The following GRIA4 variants were observed in gnomAD, a reference collection of about 807,000 sequenced individuals.
GRIA4 encodes the protein glutamate receptor 4.
GRIA4 carries 34 observed loss-of-function variants against 104.0 expected under a neutral mutation model. The ratio of observed to expected loss-of-function variants is 0.33; its 90% CI spans 0.25 to 0.44. The LOEUF is 0.44. Ranked by LOEUF, GRIA4 falls within the 20% of genes least tolerant of loss-of-function variation. GRIA4 has a pLI of 1.00. For missense variants in GRIA4, 750 were observed against 1,096.5 expected (o/e 0.68, Z 4.46); for synonymous variants, 386 against 381.9 (o/e 1.01, Z -0.13).
At chr11:105,721,251 A>T (rs1937793977) in intron 3 of GRIA4, among the ~76,000 whole-genome samples, 1 of 152,156 alleles carries the variant, frequency 6.6e-6, no homozygotes, top group African/African-American at 2.4e-5. Context: ...GATTTTGAAG[A>T]GGGATAATAT....
chr11:105,718,734 G>C (rs969869786), intron 3 of GRIA4, among the ~76,000 whole-genome samples: 3 of 152,156 alleles, frequency 2.0e-5, no homozygotes, highest in Admixed American at 1.3e-4. Context: ...AAAGTTTACT[G>C]TTAATGTGGA....
intron 3 of GRIA4, among the ~76,000 whole-genome samples, chr11:105,677,866 A>G (rs1431074345): frequency 1.3e-5 from 2 of 152,014 alleles, no homozygotes; most frequent in African/African-American, 2.4e-5. Context: ...ATATTTTCAA[A>G]TGATCAGGTC....
At chr11:105,622,886 T>C (rs1444706087) in intron 3 of GRIA4, among the ~76,000 whole-genome samples, 2 of 151,704 alleles carry the variant, frequency 1.3e-5, no homozygotes, top group Non-Finnish European at 2.9e-5. Context: ...CCAAACTCAG[T>C]TGTCCATGAG....
intron 3 of GRIA4, among the ~76,000 whole-genome samples, chr11:105,622,502 T>C (rs1950773438): frequency 6.6e-6 from 1 of 151,820 alleles, no homozygotes; most frequent in African/African-American, 2.4e-5. Context: ...CTATTTGTCG[T>C]TCTTCACTTA....
chr11:105,844,160 A>G (rs1944493264), intron 4 of GRIA4, among the ~76,000 whole-genome samples: 1 of 152,210 alleles, frequency 6.6e-6, no homozygotes, highest in African/African-American at 2.4e-5. Context: ...ATAATAAGCA[A>G]TCAAAGTTAA....
intron 3 of GRIA4, among the ~76,000 whole-genome samples, chr11:105,713,577 A>G (rs1368313476): frequency 6.6e-6 from 1 of 152,088 alleles, no homozygotes; most frequent in African/African-American, 2.4e-5. Flanking sequence ...ATACATTCCA[A>G]TTTTACCTGA....
At chr11:105,799,297 T>A (rs929562457) in intron 4 of GRIA4, among the ~76,000 whole-genome samples, 3 of 151,790 alleles carry the variant, frequency 2.0e-5, no homozygotes, top group African/African-American at 7.3e-5. Flanking sequence ...TTGAATAGAG[T>A]AAAAACCTAA....
At chr11:105,706,396 G>T (rs1370091741) in intron 3 of GRIA4, 1 of 153,034 alleles carries the variant, frequency 6.5e-6, no homozygotes. Context: ...ATAAAATTTG[G>T]TGCAGTTCCC....
chr11:105,792,966 G>A (rs927520344), intron 4 of GRIA4, among the ~76,000 whole-genome samples: 2 of 152,056 alleles, frequency 1.3e-5, no homozygotes, highest in African/African-American at 4.8e-5. Flanking sequence ...GAATTATTGA[G>A]ATGTTCAACA....
intron 14 of GRIA4, among the ~76,000 whole-genome samples, chr11:105,941,320 A>T (rs1371646271): frequency 6.6e-6 from 1 of 152,196 alleles, no homozygotes; most frequent in Non-Finnish European, 1.5e-5. Context: ...ACAGATGTCT[A>T]CAGAATGAAA....
chr11:105,675,145 C>G (rs1952495757), intron 3 of GRIA4, among the ~76,000 whole-genome samples: 1 of 151,848 alleles, frequency 6.6e-6, no homozygotes, highest in Admixed American at 6.6e-5. Flanking sequence ...ATGCTTTGAG[C>G]TGATTTCTAC....
At chr11:105,744,010 T>C (rs1200235441) in intron 3 of GRIA4, among the ~76,000 whole-genome samples, 1 of 152,184 alleles carries the variant, frequency 6.6e-6, no homozygotes, top group Admixed American at 6.5e-5. Context: ...GGTTTGTATG[T>C]CTTTAATTAC....
intron 4 of GRIA4, among the ~76,000 whole-genome samples, chr11:105,838,262 T>C (rs1944266599): frequency 6.6e-6 from 1 of 152,306 alleles, no homozygotes; most frequent in East Asian, 1.9e-4. Context: ...GTAACATCAG[T>C]CTTTTTCTAC....
intron 3 of GRIA4, among the ~76,000 whole-genome samples, chr11:105,700,167 C>T (rs994111229): frequency 1.3e-5 from 2 of 152,202 alleles, no homozygotes; most frequent in African/African-American, 2.4e-5. Flanking sequence ...CCCTCTGGGA[C>T]GGTGACAAAA....
chr11:105,841,350 C>T (rs1466540651), intron 4 of GRIA4, among the ~76,000 whole-genome samples: 2 of 152,042 alleles, frequency 1.3e-5, no homozygotes, highest in East Asian at 3.9e-4. Context: ...AAAATTAAGA[C>T]ACAAGCGCTG....
chr11:105,941,788 G>A (rs1433224303), intron 14 of GRIA4, among the ~76,000 whole-genome samples: 1 of 152,044 alleles, frequency 6.6e-6, no homozygotes, highest in Non-Finnish European at 1.5e-5. Flanking sequence ...CTACACAGAG[G>A]CCTATATAAA....
rs568884587 is a variant in GRIA4 at position 105,871,163 on chromosome 11, GATA to G, written c.672+8958_672+8960del. On this transcript the variant is annotated intron_variant, in intron 5 of 16. Transcript: ENST00000282499. The stretch of plus-strand genomic sequence containing the variant: ...GAACAAATATATAATGCCATATAGT[GATA>G]ATGAGAAATTATTAATGTATTAAAT... Among the ~76,000 whole-genome samples, 9 of 152,156 alleles carry G rather than the reference GATA, an allele frequency of 5.9e-5. No homozygotes were observed. The South Asian group carries it at 1.2e-3, about 21-fold the overall frequency.
At chr11:105,858,264 T>A (rs1046865220) in intron 4 of GRIA4, among the ~76,000 whole-genome samples, 3 of 152,188 alleles carry the variant, frequency 2.0e-5, no homozygotes, top group Non-Finnish European at 4.4e-5. Flanking sequence ...TAATGGATAG[T>A]TTACCTATCG....
At chr11:105,685,018 T>C (rs906944921) in intron 3 of GRIA4, among the ~76,000 whole-genome samples, 2 of 152,164 alleles carry the variant, frequency 1.3e-5, no homozygotes, top group African/African-American at 2.4e-5. Flanking sequence ...ACTGGTCTTC[T>C]AGATAAAAAG....
Sources: allele counts gnomAD v4.1 joint callset (sites outside exome capture counted in the v4.1 genomes callset), GRCh38; gene constraint gnomAD v4.1.1; transcripts MANE v1.5; gene names NCBI Gene and HGNC (gene_info 2026-07-23, HGNC 2026-07-21).